Variants in AP1M1 observed in about 807,000 individuals in gnomAD.
The protein encoded by AP1M1 is AP-1 complex subunit mu-1.
AP1M1 carries 18 observed loss-of-function variants against 57.1 expected under a neutral mutation model. That is an observed-to-expected ratio of 0.32 (90% CI 0.22 to 0.47). AP1M1 has a LOEUF of 0.47. Ranked by LOEUF, AP1M1 falls within the 20% of genes least tolerant of loss-of-function variation. The pLI is 1.00. For synonymous variants in AP1M1, 241 were observed against 237.9 expected (o/e 1.01, Z -0.12); for missense variants, 362 against 593.5 (o/e 0.61, Z 4.05).
In AP1M1 at chr19:16,243,043, G is replaced by T. The variant is rs1257914270; in HGVS notation, c.*8608G>T. 6.6e-6 allele frequency: 1 copy of T among 151,940 alleles called. No individual in the cohort carries two copies. The highest frequency in any genetic ancestry group is 2.4e-5 in the African/African-American group (1 of 41,350). The allele number at this position is 151,940 out of a possible 1,614,324, so 9.4% of individuals were successfully genotyped here. ...CCACTGGCCTCCCAAAGTGCTAGTG[G>T]CAGGTGTGAGCCACCACACACGGCC... is the stretch of plus-strand genomic sequence containing the variant. On this transcript the variant is annotated 3_prime_UTR_variant, in exon 12 of 12. Coordinates refer to ENST00000291439, the MANE Select transcript of AP1M1 (RefSeq NM_032493.4).
intron 4 of AP1M1, among the ~76,000 whole-genome samples, chr19:16,208,653 C>T (rs1445364980): frequency 6.6e-6 from 1 of 152,194 alleles, no homozygotes; most frequent in Non-Finnish European, 1.5e-5. Context: ...CCTCCTGCTC[C>T]TTCAGCAGGA....
rs561896594 is a variant in AP1M1, at chr19:16,206,477, A to G, written c.267+69A>G. ...CTTGGCTCTGCTTGTGGACCTCCCC[A>G]TACCTGGCCACCCTACAGAGAGCTG... On this transcript the variant is annotated intron_variant, in intron 3 of 11. Transcript: ENST00000291439. The surrounding 1 kb of genome is among the most constrained non-coding windows in gnomAD (Gnocchi z 4.3). 2.0e-5 allele frequency: 31 copies of G among 1,518,156 alleles called. No homozygotes were observed. In the African/African-American group the frequency reaches 2.3e-4, roughly 11 times the overall value. The allele number at this position is 1,518,156 out of a possible 1,614,324, so 94.0% of individuals were successfully genotyped here.
At chr19:16,202,704 G>A (rs369562950) in intron 1 of AP1M1, among the ~76,000 whole-genome samples, 1 of 152,242 alleles carries the variant, frequency 6.6e-6, no homozygotes, top group South Asian at 2.1e-4. Context: ...TGGTGTGCAC[G>A]GATACAGTTT....
At chr19:16,221,210 C>T (rs1051868987) in intron 5 of AP1M1, among the ~76,000 whole-genome samples, 4 of 152,218 alleles carry the variant, frequency 2.6e-5, no homozygotes, top group Non-Finnish European at 4.4e-5. Flanking sequence ...TCACTGCAAC[C>T]TCTGCCTCCC....
chr19:16,228,746 G>C lies in AP1M1; in HGVS notation c.889-24G>C. On this transcript the variant is annotated intron_variant, in intron 8 of 11. Coordinates refer to ENST00000291439, the MANE Select transcript of AP1M1 (RefSeq NM_032493.4). This position sits in a 1 kb window ranked among gnomAD's most constrained non-coding sequence, Gnocchi z 5.0. ...AGCTCACCTTGGCCTCCATAACCCC[G>C]GGCCGCATTGGCCTGGCCTGCAGGC... is the stretch of plus-strand genomic sequence containing the variant. The C allele has an allele frequency of 1.2e-6, 2 of 1,612,170 alleles. No individual in the cohort carries two copies. The highest frequency in any genetic ancestry group is 1.7e-6 in the Non-Finnish European group (2 of 1,179,228).
chr19:16,218,149 G>A (rs565577224), intron 5 of AP1M1, among the ~76,000 whole-genome samples: 5 of 152,356 alleles, frequency 3.3e-5, no homozygotes, highest in South Asian at 2.1e-4. Context: ...CTGAGCTGCC[G>A]CTCTGGGCGC....
chr19:16,237,011 CAG>C lies in AP1M1; in HGVS notation c.*2579_*2580del, dbSNP rs757229097. 5 of 152,378 alleles carry C rather than the reference CAG, an allele frequency of 3.3e-5. No homozygotes were observed. The East Asian group carries it at 7.7e-4, about 23-fold the overall frequency. The allele number at this position is 152,378 out of a possible 1,614,324, so 9.4% of individuals were successfully genotyped here. On this transcript the variant is annotated 3_prime_UTR_variant, in exon 12 of 12. Coordinates refer to ENST00000291439, the MANE Select transcript of AP1M1 (RefSeq NM_032493.4). ...AGAAAAGAGCAAAATGCTGTTAAGA[CAG>C]AGCTGTTACAACATCCAACAAGGCA...
chr19:16,234,581 G>C lies in AP1M1; in HGVS notation c.*146G>C, dbSNP rs1424223029. The C allele has an allele frequency of 1.0e-6, 1 of 990,902 alleles. No homozygotes were observed. Among genetic ancestry groups the C allele is most frequent in the Non-Finnish European group, 1.5e-6 (1 of 658,012 alleles). 61.4% of individuals were successfully genotyped at this position (990,902 alleles called of 1,614,324 possible). On this transcript the variant is annotated 3_prime_UTR_variant, in exon 12 of 12. Coordinates refer to ENST00000291439, the MANE Select transcript of AP1M1 (RefSeq NM_032493.4). ...GCCCAGGGACCCCTGCCTTCCCCAGGCCATCTGCTCTGCCGTCGACACTCG... is the reference window on the plus strand; with the variant it reads ...GCCCAGGGACCCCTGCCTTCCCCAGCCCATCTGCTCTGCCGTCGACACTCG...
chr19:16,207,948 G>C lies in AP1M1; in HGVS notation c.268-71G>C, dbSNP rs189802085. The C allele has an allele frequency of 5.0e-5, 77 of 1,532,150 alleles. No individual in the cohort carries two copies. The African/African-American group carries it at 5.5e-4, about 11-fold the overall frequency. The allele number at this position is 1,532,150 out of a possible 1,614,324, so 94.9% of individuals were successfully genotyped here. ...AGCGGGCAAATGAATGTGTGCAAGC[G>C]TTCATTCATTCCTCATCCGTCCGCT... is the stretch of plus-strand genomic sequence containing the variant. On this transcript the variant is annotated intron_variant, in intron 3 of 11. Coordinates refer to ENST00000291439, the MANE Select transcript of AP1M1 (RefSeq NM_032493.4). The surrounding 1 kb of genome is among the most constrained non-coding windows in gnomAD (Gnocchi z 4.2).
At chr19:16,212,820 A>C (rs2091501261) in intron 5 of AP1M1, among the ~76,000 whole-genome samples, 1 of 152,156 alleles carries the variant, frequency 6.6e-6, no homozygotes, top group South Asian at 2.1e-4. Flanking sequence ...GTTTCAAATA[A>C]TTTCTTGACT....
At chr19:16,232,133 G>T (rs928357034) in intron 9 of AP1M1, among the ~76,000 whole-genome samples, 9 of 152,258 alleles carry the variant, frequency 5.9e-5, no homozygotes, top group Admixed American at 6.5e-5. Flanking sequence ...TGGGACGGCA[G>T]CCTCTAGGAT....
chr19:16,198,104 A>T (rs1263029917), intron 1 of AP1M1, 36 bp downstream of exon 1: 3 of 1,590,008 alleles, frequency 1.9e-6, no homozygotes, highest in Non-Finnish European at 2.6e-6. Context: ...GTTGCCAGGC[A>T]ACCGGCAGGG....
intron 9 of AP1M1, among the ~76,000 whole-genome samples, chr19:16,230,704 A>G (rs2091592173): frequency 6.6e-6 from 1 of 152,114 alleles, no homozygotes; most frequent in Non-Finnish European, 1.5e-5. Flanking sequence ...CGGCTGGTAA[A>G]CGTAACTTTT....
Position 16,226,501 on chromosome 19 carries a change from G to A in AP1M1, c.627G>A (p.Glu209=). Residue 209 remains glutamate, a synonymous_variant, in exon 6 of 12, where the codon GAG becomes GAA. Coordinates refer to ENST00000291439, the MANE Select transcript of AP1M1 (RefSeq NM_032493.4). ...KMRVFLSGMP[E]LRLGLNDKVL... is the part of the protein sequence containing the mutation. ...GAGTCTTCCTCTCGGGCATGCCCGA[G>A]CTGCGCCTGGGCCTCAACGACAAGG... 6.3e-7 allele frequency: 1 copy of A among 1,589,464 alleles called. No individual in the cohort carries two copies. Among genetic ancestry groups the A allele is most frequent in the Non-Finnish European group, 8.6e-7 (1 of 1,167,596 alleles).
Position 16,240,044 on chromosome 19 carries a change from A to C in AP1M1, c.*5609A>C, listed in dbSNP as rs1329441295. On this transcript the variant is annotated 3_prime_UTR_variant, in exon 12 of 12. Coordinates refer to ENST00000291439, the MANE Select transcript of AP1M1 (RefSeq NM_032493.4). ...TGTACAGGTTTTCTTTTTTATTGTC[A>C]TTATTCCTTAAATAATACAGTATAA... 5 of 152,146 alleles carry C rather than the reference A, an allele frequency of 3.3e-5. No individual in the cohort carries two copies. The highest frequency in any genetic ancestry group is 1.9e-4 in the East Asian group (1 of 5,202). 9.4% of individuals were successfully genotyped at this position (152,146 alleles called of 1,614,324 possible).
At chr19:16,215,200 C>T (rs901918510) in intron 5 of AP1M1, among the ~76,000 whole-genome samples, 2 of 7,372 alleles carry the variant, frequency 2.7e-4, no homozygotes, top group Middle Eastern at 0.083. Context: ...AAGGCGGGGG[C>T]GGGGGGGGGG....
chr19:16,210,453 G>A (rs1431497029), intron 5 of AP1M1: 9 of 712,424 alleles, frequency 1.3e-5, no homozygotes, highest in East Asian at 2.7e-5. Context: ...TTGCATTCTC[G>A]CCAGCAACAG....
Position 16,206,933 on chromosome 19 carries a change from AGAGTATGAGGCT to A in AP1M1, c.267+529_267+540del, listed in dbSNP as rs2091471911. Among the ~76,000 whole-genome samples the A allele has an allele frequency of 6.6e-6, 1 of 152,204 alleles. No individual in the cohort carries two copies. Among genetic ancestry groups the A allele is most frequent in the African/African-American group, 2.4e-5 (1 of 41,462 alleles). On this transcript the variant is annotated intron_variant, in intron 3 of 11. Coordinates refer to ENST00000291439, the MANE Select transcript of AP1M1 (RefSeq NM_032493.4). The surrounding 1 kb of genome is among the most constrained non-coding windows in gnomAD (Gnocchi z 4.3). ...CTAGGGAGGCCAGCGTGCGTGTGGC[AGAGTATGAGGCT>A]GAGGTCAGCTGGGAAGAGGGCGGAT...
chr19:16,222,437 C>T (rs2091550363), intron 5 of AP1M1, among the ~76,000 whole-genome samples: 1 of 150,780 alleles, frequency 6.6e-6, no homozygotes, highest in Non-Finnish European at 1.5e-5. Context: ...TGATCTAGAA[C>T]TCCTGGGGCA....
Sources: allele counts gnomAD v4.1 joint callset (sites outside exome capture counted in the v4.1 genomes callset), GRCh38; gene constraint gnomAD v4.1.1; non-coding constraint Gnocchi (gnomAD v3.1); transcripts MANE v1.5; gene names NCBI Gene and HGNC (gene_info 2026-07-23, HGNC 2026-07-21).